The following REPS2 variants were observed in gnomAD, a reference collection of about 807,000 sequenced individuals.
REPS2 encodes the protein ralBP1-associated Eps domain-containing protein 2.
REPS2 carries 23 observed loss-of-function variants against 53.6 expected under a neutral mutation model. That is an observed-to-expected ratio of 0.43 (90% CI 0.31 to 0.61). The LOEUF is 0.61. REPS2 is among the 20% of genes least tolerant of loss of function. The probability of loss-of-function intolerance (pLI) is 0.11; values close to 1 mark genes in which losing one functional copy is unlikely to be tolerated. For synonymous variants in REPS2, 238 were observed against 218.6 expected (o/e 1.09, Z -0.78); for missense variants, 446 against 534.9 (o/e 0.83, Z 1.64).
In REPS2 at chrX:17,022,291, G is replaced by T; in HGVS notation, c.546+20G>T. ...AAACAGGTAAACAGTTTGTTCAGAT[G>T]TGTTCATTTGATTCTGACCATGAAA... On this transcript the variant is annotated intron_variant, in intron 3 of 17. Coordinates refer to ENST00000357277, the MANE Select transcript of REPS2 (RefSeq NM_004726.3). 2 of 1,188,150 alleles carry T rather than the reference G, an allele frequency of 1.7e-6. No individual in the cohort carries two copies. Among genetic ancestry groups the T allele is most frequent in the Non-Finnish European group, 2.3e-6 (2 of 879,523 alleles).
chrX:17,169,620 T>G, the REPS2 span, among the ~76,000 whole-genome samples: 1 of 111,918 alleles, frequency 8.9e-6, no homozygotes, highest in African/African-American at 3.3e-5. Context: ...AAGTTGAGGC[T>G]CTAGTGAGCT....
At chrX:17,063,470 C>T (rs1305619863) in intron 9 of REPS2, among the ~76,000 whole-genome samples, 10 of 111,694 alleles carry the variant, frequency 9.0e-5, no homozygotes, top group African/African-American at 3.3e-4. Context: ...GTCTGCTCCC[C>T]TGTGAGCCAG....
At chrX:17,159,120 C>G in the REPS2 span, among the ~76,000 whole-genome samples, 1 of 111,510 alleles carries the variant, frequency 9.0e-6, no homozygotes, top group African/African-American at 3.3e-5. Flanking sequence ...TTCAGCTTGT[C>G]TTGGCTCTGT....
intron 5 of REPS2, among the ~76,000 whole-genome samples, chrX:17,037,608 G>T (rs2061782566): frequency 8.9e-6 from 1 of 112,720 alleles, no homozygotes; most frequent in African/African-American, 3.2e-5. Context: ...GAGCCACCAT[G>T]CCCGGCCTCT....
chrX:17,110,691 T>TCAAACAAACAAA (rs112473755), intron 14 of REPS2, among the ~76,000 whole-genome samples: 2 of 107,144 alleles, frequency 1.9e-5, no homozygotes, highest in Non-Finnish European at 3.8e-5. Flanking sequence ...AAACTCTGTC[T>TCAAACAAACAAA]CAAACAAACA....
At chrX:17,010,791 G>T (rs2061419944) in intron 2 of REPS2, among the ~76,000 whole-genome samples, 2 of 111,497 alleles carry the variant, frequency 1.8e-5, no homozygotes, top group African/African-American at 3.3e-5. Context: ...CTCCAGAGGA[G>T]TTTTTACAGA....
chrX:17,159,942 C>G, the REPS2 span, among the ~76,000 whole-genome samples: 1 of 112,129 alleles, frequency 8.9e-6, no homozygotes, highest in Non-Finnish European at 1.9e-5. Context: ...TCCAAAGCCA[C>G]TCAGAAGATG....
intron 6 of REPS2, among the ~76,000 whole-genome samples, chrX:17,048,364 A>T (rs56066136): frequency 8.9e-6 from 1 of 112,255 alleles, no homozygotes; most frequent in Non-Finnish European, 1.9e-5. Flanking sequence ...TGACGTCATG[A>T]TTAAGGAAAA....
At chrX:16,986,968 G>A (rs2061099526) in intron 1 of REPS2, among the ~76,000 whole-genome samples, 1 of 106,742 alleles carries the variant, frequency 9.4e-6, no homozygotes. Context: ...AGAATATAGT[G>A]GCATGATCAT....
At chrX:17,099,902 A>T in intron 13 of REPS2, 1 of 973,135 alleles carries the variant, frequency 1.0e-6, no homozygotes, top group Non-Finnish European at 1.5e-6. Context: ...CCTCATCAGA[A>T]TTTTTCCCTT....
chrX:17,127,021 A>G (rs1427702103), intron 14 of REPS2, among the ~76,000 whole-genome samples: 1 of 111,975 alleles, frequency 8.9e-6, no homozygotes, highest in Middle Eastern at 4.6e-3. Context: ...CCATACTGCC[A>G]TCATTCCTGC....
At chrX:17,060,740 G>A (rs1271590943) in intron 8 of REPS2, among the ~76,000 whole-genome samples, 1 of 111,238 alleles carries the variant, frequency 9.0e-6, no homozygotes, top group African/African-American at 3.3e-5. Flanking sequence ...GGCGTGCACA[G>A]AACCGGGGTA....
intron 5 of REPS2, chrX:17,044,630 G>A (rs2061879753): frequency 8.9e-6 from 1 of 111,883 alleles, no homozygotes; most frequent in African/African-American, 3.3e-5. Context: ...ATAGGTGTCT[G>A]TTCTTGTCTT....
chrX:17,128,609 A>G (rs1190980106), intron 14 of REPS2, among the ~76,000 whole-genome samples: 1 of 112,181 alleles, frequency 8.9e-6, no homozygotes, highest in Non-Finnish European at 1.9e-5. Context: ...GGTCCCTGAC[A>G]TACCAGAGGT....
intron 2 of REPS2, among the ~76,000 whole-genome samples, chrX:17,016,295 C>T (rs2061491723): frequency 8.9e-6 from 1 of 112,735 alleles, no homozygotes; most frequent in South Asian, 3.7e-4. Flanking sequence ...GTCACAACTA[C>T]TCAACCCTGT....
intron 1 of REPS2, among the ~76,000 whole-genome samples, chrX:16,961,438 T>C (rs919892215): frequency 1.8e-5 from 2 of 112,040 alleles, no homozygotes; most frequent in Non-Finnish European, 3.8e-5. Context: ...AGCTGGATGC[T>C]TATATACAAA....
intron 1 of REPS2, among the ~76,000 whole-genome samples, chrX:17,000,405 A>G (rs1414785395): frequency 1.8e-5 from 2 of 112,063 alleles, no homozygotes; most frequent in African/African-American, 3.2e-5. Flanking sequence ...AGCTGGGACT[A>G]CAGGCACGGG....
At chrX:17,003,427 G>A (rs2061329199) in intron 1 of REPS2, among the ~76,000 whole-genome samples, 1 of 111,449 alleles carries the variant, frequency 9.0e-6, no homozygotes, top group East Asian at 2.8e-4. Context: ...CAGACAGGAG[G>A]GCCTCAGAAG....
At chrX:17,191,405 T>C in the REPS2 span, among the ~76,000 whole-genome samples, 3 of 112,484 alleles carry the variant, frequency 2.7e-5, no homozygotes, top group Non-Finnish European at 3.8e-5. Context: ...TTCACACTTA[T>C]AATAACTACA....
Sources: allele counts gnomAD v4.1 joint callset (sites outside exome capture counted in the v4.1 genomes callset), GRCh38; gene constraint gnomAD v4.1.1; transcripts MANE v1.5; gene names NCBI Gene and HGNC (gene_info 2026-07-23, HGNC 2026-07-21).